The following CPS1 variants were observed in gnomAD, a reference collection of about 807,000 sequenced individuals.
The protein encoded by CPS1 is carbamoyl-phosphate synthase 1, also known as carbamoyl-phosphate synthase [ammonia], mitochondrial.
In CPS1, 109 loss-of-function variants were observed where a neutral mutation model predicts 174.6. That is an observed-to-expected ratio of 0.62 (90% CI 0.53 to 0.73). The LOEUF is 0.73. CPS1 is among the 30% of genes least tolerant of loss of function. CPS1 has a pLI of 0.00. For missense variants in CPS1, 1,689 were observed against 1,821.9 expected, an observed-to-expected ratio of 0.93 and a Z score of 1.33; for synonymous variants, 637 against 632.0, an observed-to-expected ratio of 1.01 and a Z score of -0.12.
At chr2:210,558,292 G>A (rs1039936508) in intron 1 of CPS1, among the ~76,000 whole-genome samples, 1 of 152,010 alleles carries the variant, frequency 6.6e-6, no homozygotes, top group Admixed American at 6.6e-5. Context: ...TCATTAGGAT[G>A]TAGTTACATA....
chr2:210,591,521 A>G (rs1698296937), intron 9 of CPS1, among the ~76,000 whole-genome samples: 1 of 151,966 alleles, frequency 6.6e-6, no homozygotes, highest in Non-Finnish European at 1.5e-5. Context: ...AGTCACTTAT[A>G]TTTCTTAGTT....
At chr2:210,544,032 G>C (rs1003806453) in intron 1 of CPS1, among the ~76,000 whole-genome samples, 1 of 151,962 alleles carries the variant, frequency 6.6e-6, no homozygotes, top group East Asian at 1.9e-4. Flanking sequence ...TCATTAACTC[G>C]TACACATCCC....
chr2:210,477,830 A>G, intron 1 of CPS1: 2 of 1,566,486 alleles, frequency 1.3e-6, no homozygotes, highest in Non-Finnish European at 1.8e-6. Flanking sequence ...GCAACTCACA[A>G]GAGAGAAAAG....
intron 1 of CPS1, among the ~76,000 whole-genome samples, chr2:210,516,130 C>T (rs962594977): frequency 1.6e-4 from 24 of 151,482 alleles, no homozygotes; most frequent in African/African-American, 5.6e-4. Flanking sequence ...TGTGGTTGAC[C>T]TTTGAGTATG....
intron 21 of CPS1, chr2:210,618,645 C>A (rs1340613439): frequency 3.3e-5 from 5 of 152,202 alleles, no homozygotes; most frequent in Non-Finnish European, 5.9e-5. Flanking sequence ...CTGTCTCCAT[C>A]ATTTTGTGGC....
chr2:210,605,565 C>T (rs1574582100), intron 17 of CPS1, among the ~76,000 whole-genome samples: 1 of 151,798 alleles, frequency 6.6e-6, no homozygotes. Context: ...CAGTTTAAAG[C>T]AGACTGAGCT....
intron 1 of CPS1, among the ~76,000 whole-genome samples, chr2:210,533,319 G>A (rs1559065169): frequency 6.6e-6 from 1 of 152,082 alleles, no homozygotes; most frequent in Non-Finnish European, 1.5e-5. Flanking sequence ...AACAATAACA[G>A]CAAACAGTAG....
At chr2:210,601,635 G>A (rs906989465) in intron 15 of CPS1, among the ~76,000 whole-genome samples, 2 of 151,890 alleles carry the variant, frequency 1.3e-5, no homozygotes, top group African/African-American at 4.8e-5. Context: ...ATTCCCATTG[G>A]TAGTGTAATA....
Position 210,590,140 on chromosome 2 carries a change from A to C in CPS1, c.746A>C (p.His249Pro), listed in dbSNP as rs745683365. ...GAAGTGCACTTAGTTCCCTGGAACC[A>C]TGATTTCACCAAGATGGAGTATGAT... ...GAEVHLVPWN[H>P]DFTKMEYDGI... Residue 249 changes from histidine (H) to proline (P), a missense_variant, in exon 8 of 38, where the codon CAT (histidine) becomes CCT (proline). Coordinates refer to ENST00000233072, the MANE Select transcript of CPS1 (RefSeq NM_001875.5). The C allele has an allele frequency of 6.2e-7, 1 of 1,612,870 alleles. No individual in the cohort carries two copies. Among genetic ancestry groups the C allele is most frequent in the Non-Finnish European group, 8.5e-7 (1 of 1,179,166 alleles).
At chr2:210,478,695 A>G (rs907131461) in intron 1 of CPS1, among the ~76,000 whole-genome samples, 1 of 152,196 alleles carries the variant, frequency 6.6e-6, no homozygotes, top group Non-Finnish European at 1.5e-5. Flanking sequence ...TTGTCTACTC[A>G]TAGACTGCAA....
intron 8 of CPS1, 54 bp from the exon 9 acceptor site, chr2:210,590,746 G>A: frequency 1.4e-6 from 2 of 1,395,276 alleles, no homozygotes; most frequent in Non-Finnish European, 1.0e-6. Context: ...TCATTCAGAA[G>A]CAACATTTTT....
chr2:210,572,721 G>A (rs1697543828), intron 1 of CPS1, among the ~76,000 whole-genome samples: 1 of 152,038 alleles, frequency 6.6e-6, no homozygotes, highest in Non-Finnish European at 1.5e-5. Context: ...TTGGTTTTGT[G>A]TCAGCATTAA....
upstream of CPS1, among the ~76,000 whole-genome samples, chr2:210,554,108 T>C (rs1027668140): frequency 1.1e-4 from 15 of 139,418 alleles, no homozygotes; most frequent in East Asian, 4.0e-4. Flanking sequence ...TATATACACA[T>C]ATATATATGT....
chr2:210,615,444 G>T (rs946778987), intron 20 of CPS1, among the ~76,000 whole-genome samples: 4 of 151,884 alleles, frequency 2.6e-5, no homozygotes, highest in Admixed American at 2.0e-4. Context: ...TTATGTAAAA[G>T]CTTTAAGAAA....
At chr2:210,588,450 G>C (rs1412562275) in intron 7 of CPS1, among the ~76,000 whole-genome samples, 1 of 151,802 alleles carries the variant, frequency 6.6e-6, no homozygotes, top group Non-Finnish European at 1.5e-5. Flanking sequence ...TTTCTTTGTG[G>C]TATAGAGATG....
At chr2:210,602,986 G>T (rs540179857) in intron 16 of CPS1, among the ~76,000 whole-genome samples, 1 of 151,998 alleles carries the variant, frequency 6.6e-6, no homozygotes, top group Admixed American at 6.6e-5. Context: ...GAAAACTCTT[G>T]AGAAAAGTAA....
At chr2:210,600,410 AT>A (rs983894201) in intron 14 of CPS1, 144 bp from the exon 15 acceptor site, 4 of 715,652 alleles carry the variant, frequency 5.6e-6, no homozygotes, top group Admixed American at 2.9e-5. Flanking sequence ...TTTTATTTCA[AT>A]TTTTTTCCCT....
intron 1 of CPS1, among the ~76,000 whole-genome samples, chr2:210,508,566 T>A: frequency 6.6e-6 from 1 of 152,058 alleles, no homozygotes; most frequent in Non-Finnish European, 1.5e-5. Flanking sequence ...CAAAAAACCC[T>A]TCAAAAAATC....
intron 1 of CPS1, among the ~76,000 whole-genome samples, chr2:210,514,492 G>A (rs1041175428): frequency 7.3e-5 from 11 of 151,700 alleles, no homozygotes; most frequent in Admixed American, 5.9e-4. Context: ...AACATTATTG[G>A]TATATGGAAA....
Sources: allele counts gnomAD v4.1 joint callset (sites outside exome capture counted in the v4.1 genomes callset), GRCh38; gene constraint gnomAD v4.1.1; transcripts MANE v1.5; gene names NCBI Gene and HGNC (gene_info 2026-07-23, HGNC 2026-07-21).